Variants in KANSL1 observed in about 807,000 individuals in gnomAD.
The protein encoded by KANSL1 is MLL1/MLL complex subunit KANSL1.
A neutral mutation model predicts 103.6 loss-of-function variants in KANSL1; 22 were observed. That is an observed-to-expected ratio of 0.21 (90% CI 0.15 to 0.30). The LOEUF (loss-of-function observed/expected upper bound fraction) is 0.30, where lower values mean the gene tolerates loss of function less well. Among genes scored for constraint, KANSL1 ranks in the 10% least tolerant of loss-of-function variants. KANSL1 has a pLI of 1.00. For missense variants in KANSL1, 1,337 were observed against 1,399.8 expected (o/e 0.96, Z 0.72); for synonymous variants, 600 against 527.6 (o/e 1.14, Z -1.88).
At chr17:46,107,223 T>A (rs1019192562) in intron 2 of KANSL1, among the ~76,000 whole-genome samples, 2 of 152,112 alleles carry the variant, frequency 1.3e-5, no homozygotes, top group Non-Finnish European at 2.9e-5. Flanking sequence ...GATCAGGAGG[T>A]CTGCTAATAA....
At chr17:46,047,090 G>A (rs1404306628) in intron 7 of KANSL1, among the ~76,000 whole-genome samples, 1 of 152,126 alleles carries the variant, frequency 6.6e-6, no homozygotes, top group Non-Finnish European at 1.5e-5. Flanking sequence ...ATGTGTTCCA[G>A]GTTTTCTGTT....
intron 2 of KANSL1, among the ~76,000 whole-genome samples, chr17:46,106,205 C>A (rs1404284685): frequency 1.3e-5 from 2 of 152,202 alleles, no homozygotes; most frequent in Non-Finnish European, 2.9e-5. Context: ...CACCACTTAG[C>A]TAGCTATTAT....
At chr17:46,087,769 T>C (rs2079221225) in intron 3 of KANSL1, among the ~76,000 whole-genome samples, 2 of 152,208 alleles carry the variant, frequency 1.3e-5, no homozygotes, top group South Asian at 2.1e-4. Flanking sequence ...CTTTGCCCTT[T>C]TCTGTATACA....
At chr17:46,045,148 C>G (rs541683252) in intron 7 of KANSL1, 3 of 152,166 alleles carry the variant, frequency 2.0e-5, no homozygotes, top group Non-Finnish European at 4.4e-5. Context: ...CTAGCCTTCA[C>G]TGTTATTTAC....
intron 3 of KANSL1, 54 bp downstream of exon 3, chr17:46,094,506 G>A: frequency 6.3e-7 from 1 of 1,579,924 alleles, no homozygotes; most frequent in Non-Finnish European, 8.6e-7. Context: ...TGTGAGAAAA[G>A]CGATATTGAT....
intron 1 of KANSL1, among the ~76,000 whole-genome samples, chr17:46,209,093 G>A (rs928809383): frequency 3.3e-5 from 5 of 151,928 alleles, no homozygotes; most frequent in Admixed American, 6.6e-5. Flanking sequence ...TGAGGCAGGA[G>A]AATTGCTTGA....
rs56296060 is a variant in KANSL1, at chr17:46,186,903, G to GT, written c.-90+5919dup. Among the ~76,000 whole-genome samples, 441 of 147,810 alleles carry GT rather than the reference G, an allele frequency of 3.0e-3. 1 individual carries two copies. The highest frequency in any genetic ancestry group is 8.0e-3 in the African/African-American group (324 of 40,328). On this transcript the variant is annotated intron_variant, in intron 1 of 14. Coordinates refer to ENST00000432791, the MANE Select transcript of KANSL1 (RefSeq NM_015443.4). ...CCACCATGTCCAGCTAATTTTTGCT[G>GT]TTTTTTTTTTTAGTAGAGACAGGGT...
In KANSL1 at chr17:46,050,684, G is replaced by A. The variant is rs2077680678; in HGVS notation, c.1869C>T (p.Ile623=). 6.2e-7 allele frequency: 1 copy of A among 1,613,838 alleles called. No homozygotes were observed. Among genetic ancestry groups the A allele is most frequent in the Non-Finnish European group, 8.5e-7 (1 of 1,179,810 alleles). The change falls in exon 7 of 15, where the codon ATC becomes ATT. Residue 623 remains isoleucine, a synonymous_variant. Transcript: ENST00000432791. ...AGGGATTCACATCACAGCCAGGGCG[G>A]ATTGTGCTGTTCCGGTGAACCTGTG... ...LSKKVHRNST[I]RPGCDVNPSC...
chr17:46,201,964 G>A (rs370324319), intron 1 of KANSL1, among the ~76,000 whole-genome samples: 1 of 152,186 alleles, frequency 6.6e-6, no homozygotes, highest in Non-Finnish European at 1.5e-5. Context: ...CAGAGATGGC[G>A]CTACTGCACT....
At chr17:46,196,082 C>T (rs2532232), upstream of KANSL1, 5,400 of 304,478 alleles carry the variant, frequency 0.018, 195 homozygotes, top group African/African-American at 0.089. Context: ...TCTCTACAAA[C>T]AAAATTTTAA....
At chr17:46,179,764 G>A (rs1468252898) in intron 1 of KANSL1, among the ~76,000 whole-genome samples, 5 of 152,160 alleles carry the variant, frequency 3.3e-5, no homozygotes, top group Admixed American at 3.3e-4. Flanking sequence ...ACATTCTGAA[G>A]GTTAAAAGAA....
At position 46,129,058 on chromosome 17, in the gene KANSL1, T is replaced by G. The variant is rs565690750; in HGVS notation, c.1290-34357A>C. ...TGTAATCTGAAGGTGGAGCCAAGAT[T>G]TGCCAATGGAATAGAATGTAGAGAT... On this transcript the variant is annotated intron_variant, in intron 2 of 14. Transcript: ENST00000432791. 6.6e-5 allele frequency among the ~76,000 whole-genome samples: 10 copies of G among 152,118 alleles called. No homozygotes were observed. The East Asian group carries it at 1.9e-3, about 29-fold the overall frequency.
At chr17:46,209,446 T>C (rs1334308184) in intron 1 of KANSL1, among the ~76,000 whole-genome samples, 1 of 152,236 alleles carries the variant, frequency 6.6e-6, no homozygotes, top group Non-Finnish European at 1.5e-5. Context: ...CAAACTGATA[T>C]GTCAGATGTC....
At chr17:46,152,316 C>T (rs550474623) in intron 2 of KANSL1, among the ~76,000 whole-genome samples, 6 of 152,292 alleles carry the variant, frequency 3.9e-5, no homozygotes, top group Admixed American at 3.3e-4. Flanking sequence ...ACAAATAACA[C>T]CTTTCACTTA....
intron 2 of KANSL1, among the ~76,000 whole-genome samples, chr17:46,129,471 G>A (rs770230161): frequency 6.6e-6 from 1 of 152,220 alleles, no homozygotes; most frequent in Non-Finnish European, 1.5e-5. Flanking sequence ...ACAGTGCTTT[G>A]TCGTGAGTTA....
At chr17:46,179,821 G>A (rs141236006) in intron 1 of KANSL1, among the ~76,000 whole-genome samples, 6 of 152,248 alleles carry the variant, frequency 3.9e-5, no homozygotes, top group Non-Finnish European at 7.3e-5. Context: ...ATAATCCCAG[G>A]ACTTTGGGAG....
At chr17:46,194,498 CTAGACT>C (rs1352374278), upstream of KANSL1, among the ~76,000 whole-genome samples, 1 of 152,196 alleles carries the variant, frequency 6.6e-6, no homozygotes, top group Non-Finnish European at 1.5e-5. Context: ...GGAACCTTTC[CTAGACT>C]TAAAGAATTC....
intron 1 of KANSL1, among the ~76,000 whole-genome samples, chr17:46,210,703 G>A (rs548156361): frequency 1.8e-4 from 27 of 152,176 alleles, no homozygotes; most frequent in Non-Finnish European, 3.2e-4. Flanking sequence ...TTGCAGATGG[G>A]ATGATGAGAT....
At chr17:46,135,534 A>G (rs2044088562) in intron 2 of KANSL1, among the ~76,000 whole-genome samples, 1 of 143,634 alleles carries the variant, frequency 7.0e-6, no homozygotes, top group Non-Finnish European at 1.5e-5. Context: ...TTTTCCCCTC[A>G]ACTATACATT....
Sources: gnomAD v4.1 joint callset for allele counts (sites outside exome capture counted in the v4.1 genomes callset) on GRCh38, gnomAD v4.1.1 for gene constraint, MANE v1.5 for transcripts, NCBI Gene and HGNC (gene_info 2026-07-23, HGNC 2026-07-21) for gene names.